NANOG: variants seen among roughly 807,000 people sequenced by gnomAD.
NANOG encodes the protein homeobox protein NANOG.
A neutral mutation model predicts 17.7 loss-of-function variants in NANOG; 2 were observed. That is an observed-to-expected ratio of 0.11 (90% CI 0.05 to 0.36). The LOEUF (loss-of-function observed/expected upper bound fraction) is 0.36, where lower values mean the gene tolerates loss of function less well. Among genes scored for constraint, NANOG ranks in the 10% least tolerant of loss-of-function variants. The probability of loss-of-function intolerance (pLI) is 1.00; values close to 1 mark genes in which losing one functional copy is unlikely to be tolerated. For missense variants in NANOG, 174 were observed against 362.1 expected, an observed-to-expected ratio of 0.48 and a Z score of 4.22; for synonymous variants, 81 against 124.7, an observed-to-expected ratio of 0.65 and a Z score of 2.33.
intron 2 of NANOG, among the ~76,000 whole-genome samples, chr12:7,794,246 TG>T (rs67193376): frequency 0.21 from 32,627 of 152,028 alleles, 4,293 homozygotes; most frequent in South Asian, 0.32. Flanking sequence ...GCTAATTTTT[TG>T]TATTTTTGTA....
In NANOG at chr12:7,794,493, A is replaced by G. The variant is rs1592118179; in HGVS notation, c.451A>G (p.Lys151Glu). 6.2e-7 allele frequency: 1 copy of G among 1,613,498 alleles called. No homozygotes were observed. Among genetic ancestry groups the G allele is most frequent in the East Asian group, 2.2e-5 (1 of 44,878 alleles). The change falls in exon 3 of 4, where the codon AAG becomes GAG. Residue 151 changes from lysine (K) to glutamate (E), a missense_variant. Transcript: ENST00000229307. The part of the protein sequence containing the change: ...TWFQNQRMKS[K>E]RWQKNNWPKN... ...GTTCCAGAACCAGAGAATGAAATCT[A>G]AGAGGTGGCAGAAAAACAACTGGCC...
At chr12:7,791,998 G>T (rs1274489542) in intron 1 of NANOG, among the ~76,000 whole-genome samples, 13 of 152,326 alleles carry the variant, frequency 8.5e-5, no homozygotes, top group African/African-American at 1.2e-4. Flanking sequence ...GGGTTCAAGT[G>T]ATTCTCCTGC....
At position 7,793,205 on chromosome 12, in the gene NANOG, A is replaced by C. The variant is rs1426534626; in HGVS notation, c.407A>C (p.Tyr136Ser). 1 of 1,613,712 alleles carries C rather than the reference A, an allele frequency of 6.2e-7. No homozygotes were observed. The highest frequency in any genetic ancestry group is 1.3e-5 in the African/African-American group (1 of 74,936). Residue 136 changes from tyrosine to serine, a missense_variant, in exon 2 of 4, where the codon TAC becomes TCC. Tyr to Ser is a moderately radical substitution (Grantham distance 144, BLOSUM62 -2). Transcript: ENST00000229307. ...CTCTCCAACATCCTGAACCTCAGCT[A>C]CAAACAGGTAGGCTTGTTTTGTCCT... ...QELSNILNLS[Y>S]KQVKTWFQNQ...
At position 7,796,905 on chromosome 12, in the gene NANOG, C is replaced by G. The variant is rs975019248; in HGVS notation, c.*1810C>G. 4 of 152,122 alleles carry G rather than the reference C, an allele frequency of 2.6e-5. No homozygotes were observed. Among genetic ancestry groups the G allele is most frequent in the African/African-American group, 9.7e-5 (4 of 41,354 alleles). 9.4% of individuals were successfully genotyped at this position (152,122 alleles called of 1,614,324 possible). On this transcript the variant is annotated 3_prime_UTR_variant, in exon 4 of 4. Coordinates refer to ENST00000229307, the MANE Select transcript of NANOG (RefSeq NM_024865.4). ...TCAGCCTCCCAAGTAGCTGGGACTA[C>G]AGGGGTGAGCCACCATGCCCAGCTA...
At chr12:7,789,918 C>A (rs12816791) in intron 1 of NANOG, among the ~76,000 whole-genome samples, 153 bp downstream of exon 1, 80,304 of 151,888 alleles carry the variant, frequency 0.53, 22,151 homozygotes, top group Non-Finnish European at 0.59. Flanking sequence ...CCCCTTTTTC[C>A]ATTATAACTT....
At chr12:7,790,270 A>G (rs1056122755) in intron 1 of NANOG, among the ~76,000 whole-genome samples, 3 of 152,344 alleles carry the variant, frequency 2.0e-5, no homozygotes, top group African/African-American at 7.2e-5. Flanking sequence ...CTATGTCAGT[A>G]ACGGCTGTCT....
At position 7,796,014 on chromosome 12, in the gene NANOG, C is replaced by G. The variant is rs906540223; in HGVS notation, c.*919C>G. 5 of 151,748 alleles carry G rather than the reference C, an allele frequency of 3.3e-5. No individual in the cohort carries two copies. The highest frequency in any genetic ancestry group is 7.3e-5 in the African/African-American group (3 of 41,320). 9.4% of individuals were successfully genotyped at this position (151,748 alleles called of 1,614,324 possible). On this transcript the variant is annotated 3_prime_UTR_variant, in exon 4 of 4. Transcript: ENST00000229307. ...TATTTTTCCTTTAGTTGATTTTACC[C>G]TGATTTCACCGAGTGTTTCAATGAG...
chr12:7,792,180 C>A (rs1862850274), intron 1 of NANOG, among the ~76,000 whole-genome samples: 1 of 152,174 alleles, frequency 6.6e-6, no homozygotes, highest in Non-Finnish European at 1.5e-5. Flanking sequence ...CAGGCATGAG[C>A]CATCCCACCT....
chr12:7,789,899 C>A, intron 1 of NANOG, 134 bp downstream of exon 1: 1 of 924,756 alleles, frequency 1.1e-6, no homozygotes, highest in Non-Finnish European at 1.6e-6. Flanking sequence ...TCAACTAATC[C>A]TCTGGAAACC....
rs1193917178 is a variant in NANOG at position 7,797,533 on chromosome 12, A to G, written c.*2438A>G. On this transcript the variant is annotated 3_prime_UTR_variant, in exon 4 of 4. Coordinates refer to ENST00000229307, the MANE Select transcript of NANOG (RefSeq NM_024865.4). ...CCACTATGCCCAGCTAATTCTTTGTATTTAGTAGAGATGGGGTTTCACCGT... is the reference window on the plus strand; with the variant it reads ...CCACTATGCCCAGCTAATTCTTTGTGTTTAGTAGAGATGGGGTTTCACCGT... 1 of 142,334 alleles carries G rather than the reference A, an allele frequency of 7.0e-6. No homozygotes were observed. Among genetic ancestry groups the G allele is most frequent in the African/African-American group, 2.7e-5 (1 of 37,420 alleles). 8.8% of individuals were successfully genotyped at this position (142,334 alleles called of 1,614,324 possible).
intron 1 of NANOG, among the ~76,000 whole-genome samples, chr12:7,790,535 G>T (rs1862825397): frequency 6.6e-6 from 1 of 152,138 alleles, no homozygotes; most frequent in Non-Finnish European, 1.5e-5. Context: ...TCATAAAGCC[G>T]CTACCACTTT....
intron 1 of NANOG, among the ~76,000 whole-genome samples, chr12:7,790,872 T>G (rs1295097084): frequency 6.6e-6 from 1 of 152,040 alleles, no homozygotes; most frequent in Non-Finnish European, 1.5e-5. Flanking sequence ...GCCTCCCAAC[T>G]ACTAGGACAA....
chr12:7,789,515 G>A lies in NANOG; in HGVS notation c.-100G>A, dbSNP rs1354098207. 6.0e-6 allele frequency: 6 copies of A among 1,005,984 alleles called. No individual in the cohort carries two copies. The highest frequency in any genetic ancestry group is 7.5e-6 in the Non-Finnish European group (5 of 666,384). The allele number at this position is 1,005,984 out of a possible 1,614,324, so 62.3% of individuals were successfully genotyped here. ...TTTCTTGATACTTTTCCTTCTGGAGGTCCTATTTCTCTAACATCTTCCAGA... is the reference window on the plus strand; with the variant it reads ...TTTCTTGATACTTTTCCTTCTGGAGATCCTATTTCTCTAACATCTTCCAGA... On this transcript the variant is annotated 5_prime_UTR_variant, in exon 1 of 4. Transcript: ENST00000229307.
In NANOG at chr12:7,797,276, G is replaced by C. The variant is rs1197710731; in HGVS notation, c.*2181G>C. 2 of 150,822 alleles carry C rather than the reference G, an allele frequency of 1.3e-5. No individual in the cohort carries two copies. Among genetic ancestry groups the C allele is most frequent in the African/African-American group, 4.9e-5 (2 of 41,066 alleles). The allele number at this position is 150,822 out of a possible 1,614,324, so 9.3% of individuals were successfully genotyped here. On this transcript the variant is annotated 3_prime_UTR_variant, in exon 4 of 4. Transcript: ENST00000229307. ...TCACCATGTTGGCCAGCCTGGTCTC[G>C]AACTCCTGACCTCAGGTGATCCACC...
chr12:7,791,980 G>A (rs1862847143), intron 1 of NANOG, among the ~76,000 whole-genome samples: 1 of 152,080 alleles, frequency 6.6e-6, no homozygotes, highest in African/African-American at 2.4e-5. Flanking sequence ...CTGCAATCAC[G>A]GCCTCCTGGG....
chr12:7,790,172 C>T (rs989829212), intron 1 of NANOG, among the ~76,000 whole-genome samples: 6 of 125,180 alleles, frequency 4.8e-5, no homozygotes, highest in African/African-American at 1.1e-4. Flanking sequence ...AACGTCATAG[C>T]TCAGGGATGA....
chr12:7,791,780 A>T lies in NANOG; in HGVS notation c.152-1170A>T, dbSNP rs182229841. On this transcript the variant is annotated intron_variant, in intron 1 of 3. Coordinates refer to ENST00000229307, the MANE Select transcript of NANOG (RefSeq NM_024865.4). Reference sequence around the variant, plus strand: ...TTACCTCATTTTAATTAATAAAAAAATAATTTTAGAGATGAGGTCAGAGCT... The same window carrying T: ...TTACCTCATTTTAATTAATAAAAAATTAATTTTAGAGATGAGGTCAGAGCT... 4.5e-3 allele frequency among the ~76,000 whole-genome samples: 687 copies of T among 152,356 alleles called. 27 individuals are homozygous for T. The highest frequency in any genetic ancestry group is 0.04 in the Admixed American group (610 of 15,298).
In NANOG at chr12:7,798,387, T is replaced by C. The variant is rs139655992; in HGVS notation, c.*3292T>C. ...CTGTCTCAAAAATAAACAAAAATAA[T>C]AGGAGATTAGGCAAAAAGGATAGTA... On this transcript the variant is annotated 3_prime_UTR_variant, in exon 4 of 4. Coordinates refer to ENST00000229307, the MANE Select transcript of NANOG (RefSeq NM_024865.4). The C allele has an allele frequency of 6.6e-6, 1 of 152,106 alleles. No homozygotes were observed. Among genetic ancestry groups the C allele is most frequent in the Non-Finnish European group, 1.5e-5 (1 of 68,026 alleles). The allele number at this position is 152,106 out of a possible 1,614,324, so 9.4% of individuals were successfully genotyped here.
At chr12:7,793,797 C>T (rs115719284) in intron 2 of NANOG, among the ~76,000 whole-genome samples, 1,524 of 151,986 alleles carry the variant, frequency 0.01, 28 homozygotes, top group African/African-American at 0.035. Flanking sequence ...ATTAGCATTA[C>T]TTGGTTTAAG....
Sources: gnomAD v4.1 joint callset for allele counts (sites outside exome capture counted in the v4.1 genomes callset) on GRCh38, gnomAD v4.1.1 for gene constraint, MANE v1.5 for transcripts, NCBI Gene and HGNC (gene_info 2026-07-23, HGNC 2026-07-21) for gene names.